RIMS2: variants seen among roughly 807,000 people sequenced by gnomAD.
RIMS2 encodes regulating synaptic membrane exocytosis 2.
Under a neutral mutation model 174.4 loss-of-function variants are expected in RIMS2, and 59 were observed. The observed-to-expected ratio is 0.34, with a 90% CI of 0.27 to 0.42. The LOEUF (loss-of-function observed/expected upper bound fraction) is 0.42, where lower values mean the gene tolerates loss of function less well. Ranked by LOEUF, RIMS2 falls within the 10% of genes least tolerant of loss-of-function variation. RIMS2 has a pLI of 1.00. For synonymous variants in RIMS2, 606 were observed against 572.5 expected, an observed-to-expected ratio of 1.06 and a Z score of -0.84; for missense variants, 1,620 against 1,666.3, an observed-to-expected ratio of 0.97 and a Z score of 0.48.
intron 3 of RIMS2, among the ~76,000 whole-genome samples, chr8:103,777,687 T>A (rs1215934498): frequency 1.3e-5 from 2 of 152,028 alleles, no homozygotes; most frequent in Non-Finnish European, 2.9e-5. Context: ...AAATATAAAT[T>A]CTGCCATTTG....
chr8:104,170,446 A>T (rs535555828), intron 19 of RIMS2, among the ~76,000 whole-genome samples: 1 of 151,836 alleles, frequency 6.6e-6, no homozygotes. Flanking sequence ...TTTTACTATA[A>T]GTATGATTTG....
chr8:103,736,228 A>G (rs574744433), intron 2 of RIMS2, among the ~76,000 whole-genome samples: 2 of 152,296 alleles, frequency 1.3e-5, no homozygotes, highest in South Asian at 4.1e-4. Context: ...CCTTGAAGTA[A>G]CCCATGGCAA....
chr8:103,791,589 A>G (rs926571015), intron 3 of RIMS2, among the ~76,000 whole-genome samples: 3 of 152,292 alleles, frequency 2.0e-5, no homozygotes. Context: ...TTAAATATAA[A>G]TGGGCTAAAT....
At chr8:103,777,332 C>G (rs992285302) in intron 3 of RIMS2, among the ~76,000 whole-genome samples, 5 of 151,964 alleles carry the variant, frequency 3.3e-5, no homozygotes, top group Non-Finnish European at 7.4e-5. Context: ...TGAACTCTAT[C>G]CCAGTATCTT....
At chr8:103,792,107 A>G (rs2098504713) in intron 3 of RIMS2, among the ~76,000 whole-genome samples, 1 of 152,198 alleles carries the variant, frequency 6.6e-6, no homozygotes, top group African/African-American at 2.4e-5. Flanking sequence ...CCCCAAATCA[A>G]CAGAATATAC....
At chr8:104,021,774 A>G (rs1279888418) in intron 19 of RIMS2, among the ~76,000 whole-genome samples, 1 of 152,198 alleles carries the variant, frequency 6.6e-6, no homozygotes, top group Non-Finnish European at 1.5e-5. Flanking sequence ...TCCCGCACAG[A>G]CAAAACCAGT....
intron 19 of RIMS2, among the ~76,000 whole-genome samples, chr8:104,172,310 G>T (rs2098837083): frequency 6.6e-6 from 1 of 152,016 alleles, no homozygotes; most frequent in Non-Finnish European, 1.5e-5. Context: ...AAGAAGTCTG[G>T]ATCATCAGGA....
intron 19 of RIMS2, among the ~76,000 whole-genome samples, chr8:104,160,231 G>C (rs1376558694): frequency 1.3e-5 from 2 of 152,018 alleles, no homozygotes; most frequent in Non-Finnish European, 2.9e-5. Flanking sequence ...AATTTCTTGA[G>C]GGAAGGAGCT....
intron 3 of RIMS2, among the ~76,000 whole-genome samples, chr8:103,821,941 G>A (rs1035995684): frequency 2.6e-5 from 4 of 151,378 alleles, no homozygotes; most frequent in Non-Finnish European, 5.9e-5. Context: ...ATCTTCTTAA[G>A]CATCAATTAT....
intron 3 of RIMS2, among the ~76,000 whole-genome samples, chr8:103,848,901 A>G (rs1366961421): frequency 6.6e-6 from 1 of 152,084 alleles, no homozygotes; most frequent in Non-Finnish European, 1.5e-5. Flanking sequence ...TAAGAGATGA[A>G]GAAGCCTTTA....
chr8:104,050,476 AACTAAACCAGAAG>A (rs1367778715), intron 19 of RIMS2, among the ~76,000 whole-genome samples: 20 of 152,276 alleles, frequency 1.3e-4, no homozygotes, highest in South Asian at 6.2e-4. Flanking sequence ...GTGATGTTTG[AACTAAACCAGAAG>A]ACTAAACCAG....
chr8:103,682,649 C>A (rs1490304636), intron 1 of RIMS2, among the ~76,000 whole-genome samples: 1 of 152,112 alleles, frequency 6.6e-6, no homozygotes, highest in Admixed American at 6.6e-5. Flanking sequence ...TGAGTCTGCC[C>A]ATATACCACC....
intron 1 of RIMS2, among the ~76,000 whole-genome samples, chr8:103,555,150 A>T (rs963543404): frequency 6.6e-6 from 1 of 152,126 alleles, no homozygotes; most frequent in African/African-American, 2.4e-5. Flanking sequence ...TTACCAGTAT[A>T]AAAAACCTGC....
chr8:103,758,178 C>T (rs575617976), intron 2 of RIMS2, among the ~76,000 whole-genome samples: 1 of 152,228 alleles, frequency 6.6e-6, no homozygotes, highest in Non-Finnish European at 1.5e-5. Context: ...CTCTTCTTCT[C>T]TTTCTTCCTT....
At chr8:103,697,569 C>A (rs1473766942) in intron 2 of RIMS2, among the ~76,000 whole-genome samples, 8 of 148,410 alleles carry the variant, frequency 5.4e-5, no homozygotes, top group African/African-American at 1.2e-4. Flanking sequence ...ACAAAAAAAA[C>A]CCACAAAAAT....
chr8:103,956,605 A>G (rs985902098), intron 14 of RIMS2, among the ~76,000 whole-genome samples: 2 of 152,236 alleles, frequency 1.3e-5, no homozygotes, highest in Non-Finnish European at 2.9e-5. Flanking sequence ...TTAACTCAAG[A>G]TGGATTAAAG....
chr8:103,866,047 G>GT (rs1413736957), intron 3 of RIMS2, among the ~76,000 whole-genome samples: 2 of 151,988 alleles, frequency 1.3e-5, no homozygotes, highest in African/African-American at 2.4e-5. Flanking sequence ...TCCAGATTAG[G>GT]TTTTTTATTC....
At chr8:103,713,676 C>A (rs2097335445) in intron 2 of RIMS2, among the ~76,000 whole-genome samples, 2 of 152,150 alleles carry the variant, frequency 1.3e-5, no homozygotes, top group Admixed American at 1.3e-4. Flanking sequence ...TAATCACATC[C>A]TTCAAATACT....
chr8:103,619,463 G>A (rs117461842), intron 1 of RIMS2, among the ~76,000 whole-genome samples: 5,050 of 151,876 alleles, frequency 0.033, 119 homozygotes, highest in Non-Finnish European at 0.053. Flanking sequence ...TGGAATATTG[G>A]GGAAATTCCC....
Sources: allele counts gnomAD v4.1 joint callset (sites outside exome capture counted in the v4.1 genomes callset), GRCh38; gene constraint gnomAD v4.1.1; transcripts MANE v1.5; gene names NCBI Gene and HGNC (gene_info 2026-07-23, HGNC 2026-07-21).